Variants in SEPTIN7 observed in about 807,000 individuals in gnomAD.
SEPTIN7 encodes the protein septin-7.
SEPTIN7 carries 10 observed loss-of-function variants against 63.3 expected under a neutral mutation model. The ratio of observed to expected loss-of-function variants is 0.16; its 90% CI spans 0.10 to 0.27. The LOEUF (loss-of-function observed/expected upper bound fraction) is 0.27. SEPTIN7 is among the 10% of genes least tolerant of loss of function. SEPTIN7 has a pLI of 1.00. For missense variants in SEPTIN7, 310 were observed against 521.0 expected, an observed-to-expected ratio of 0.59 and a Z score of 3.94; for synonymous variants, 131 against 165.3, an observed-to-expected ratio of 0.79 and a Z score of 1.59.
In SEPTIN7 at chr7:35,903,516, G is replaced by A. The variant is rs146908428; in HGVS notation, c.1274+301G>A. Among the ~76,000 whole-genome samples, 1,311 of 152,220 alleles carry A rather than the reference G, an allele frequency of 8.6e-3. 10 individuals carry two copies. Among genetic ancestry groups the A allele is most frequent in the Non-Finnish European group, 0.013 (901 of 67,994 alleles). On this transcript the variant is annotated intron_variant, in intron 13 of 13. Coordinates refer to ENST00000350320, the MANE Select transcript of SEPTIN7 (RefSeq NM_001788.6). ...GATTTCTTACCTCCTCCCCCCAGTTGTTGGACATAAGGGTTGTTTTCAATT... is the reference window on the plus strand; with the variant it reads ...GATTTCTTACCTCCTCCCCCCAGTTATTGGACATAAGGGTTGTTTTCAATT...
At chr7:35,872,823 A>AC in intron 5 of SEPTIN7, 57 bp downstream of exon 5, 1 of 1,140,272 alleles carries the variant, frequency 8.8e-7, no homozygotes, top group Non-Finnish European at 1.3e-6. Context: ...GGGGTGGTTA[A>AC]ACTTTTTCTT....
chr7:35,831,358 C>T (rs1357657599), intron 1 of SEPTIN7, 134 bp from the exon 2 acceptor site: 1 of 234,504 alleles, frequency 4.3e-6, no homozygotes, highest in East Asian at 1.5e-4. Context: ...TGCTGTGTTT[C>T]AATGGATTTG....
intron 11 of SEPTIN7, among the ~76,000 whole-genome samples, chr7:35,895,494 A>G (rs1787905494): frequency 6.6e-6 from 1 of 152,200 alleles, no homozygotes; most frequent in South Asian, 2.1e-4. Flanking sequence ...TCTTTTAGAA[A>G]CACACATTTG....
Position 35,804,390 on chromosome 7 carries a change from A to G in SEPTIN7, c.61+3120A>G, listed in dbSNP as rs550721255. Among the ~76,000 whole-genome samples the G allele has an allele frequency of 3.9e-5, 6 of 152,302 alleles. No individual in the cohort carries two copies. The South Asian group carries it at 1.2e-3, about 32-fold the overall frequency. On this transcript the variant is annotated intron_variant, in intron 1 of 13. Coordinates refer to ENST00000350320, the MANE Select transcript of SEPTIN7 (RefSeq NM_001788.6). ...TAAGCTTTGAGCATGGGCTTGGGGA[A>G]GAGGGGCCAAAGAGGCAGCTTGGCT...
downstream of SEPTIN7, among the ~76,000 whole-genome samples, chr7:35,911,596 A>G (rs1357052086): frequency 6.6e-6 from 1 of 152,148 alleles, no homozygotes; most frequent in African/African-American, 2.4e-5. Flanking sequence ...CGGCCACACT[A>G]TGTTCAGCTG....
chr7:35,873,575 C>A, intron 5 of SEPTIN7, 66 bp from the exon 6 acceptor site: 1 of 1,486,184 alleles, frequency 6.7e-7, no homozygotes, highest in Non-Finnish European at 9.1e-7. Context: ...GATTATTGTC[C>A]TTTAACAGTC....
chr7:35,802,391 A>G (rs1432557845), intron 1 of SEPTIN7: 2 of 164,582 alleles, frequency 1.2e-5, no homozygotes, highest in Non-Finnish European at 1.4e-5. Flanking sequence ...TGTGACGTCC[A>G]GGTGTTTTCT....
chr7:35,844,228 G>C (rs1355623725), intron 3 of SEPTIN7, among the ~76,000 whole-genome samples: 1 of 152,180 alleles, frequency 6.6e-6, no homozygotes. Flanking sequence ...AAAGGTTATA[G>C]TAATGTACAT....
intron 1 of SEPTIN7, among the ~76,000 whole-genome samples, chr7:35,803,911 A>T (rs1194688098): frequency 6.6e-6 from 1 of 152,236 alleles, no homozygotes; most frequent in African/African-American, 2.4e-5. Context: ...TGAAGACTGC[A>T]GGTTGTGACC....
At chr7:35,812,035 G>A in intron 1 of SEPTIN7, 1 of 229,616 alleles carries the variant, frequency 4.4e-6, no homozygotes. Flanking sequence ...GCTGAGGCAG[G>A]AGAATTGCTT....
intron 3 of SEPTIN7, among the ~76,000 whole-genome samples, chr7:35,833,245 T>C (rs1783920492): frequency 6.6e-6 from 1 of 152,016 alleles, no homozygotes. Context: ...TTATATGCTA[T>C]AGTGGAGTAT....
intron 7 of SEPTIN7, among the ~76,000 whole-genome samples, chr7:35,880,223 C>CTTTTTTTTTTTTTTTTTTTCT (rs1786770919): frequency 2.7e-5 from 2 of 72,776 alleles, no homozygotes; most frequent in African/African-American, 6.0e-5. Flanking sequence ...TTTTTCTTTT[C>CTTTTTTTTTTTTTTTTTTTCT]TTTTTTTTTT....
chr7:35,874,866 CA>C (rs959152944), intron 6 of SEPTIN7, among the ~76,000 whole-genome samples: 4 of 152,102 alleles, frequency 2.6e-5, no homozygotes, highest in Admixed American at 6.5e-5. Flanking sequence ...TTAAAAGGCT[CA>C]AAAAAAGTAA....
At chr7:35,835,554 GTTC>G in intron 3 of SEPTIN7, among the ~76,000 whole-genome samples, 1 of 152,312 alleles carries the variant, frequency 6.6e-6, no homozygotes. Context: ...AGTCTGGGAT[GTTC>G]TTAACCACCA....
At chr7:35,872,129 A>G (rs143902301) in intron 4 of SEPTIN7, among the ~76,000 whole-genome samples, 2,663 of 152,306 alleles carry the variant, frequency 0.017, 76 homozygotes, top group African/African-American at 0.061. Context: ...TAACATAAAT[A>G]CAAGGGTAAT....
At chr7:35,811,213 T>A (rs1325953592) in intron 1 of SEPTIN7, among the ~76,000 whole-genome samples, 1 of 152,100 alleles carries the variant, frequency 6.6e-6, no homozygotes, top group Non-Finnish European at 1.5e-5. Context: ...ATTTATATAT[T>A]TTTTTAAAAA....
At chr7:35,830,776 T>G (rs1420642) in intron 1 of SEPTIN7, among the ~76,000 whole-genome samples, 49,561 of 152,004 alleles carry the variant, frequency 0.33, 8,304 homozygotes, top group East Asian at 0.41. Flanking sequence ...TGGCCAAGGA[T>G]TATCTATTTT....
intron 10 of SEPTIN7, among the ~76,000 whole-genome samples, chr7:35,889,985 A>G (rs1432949974): frequency 6.6e-6 from 1 of 152,214 alleles, no homozygotes; most frequent in African/African-American, 2.4e-5. Context: ...CACACCATGT[A>G]TATCCAAGAA....
At chr7:35,915,017 A>G in the SEPTIN7 span, among the ~76,000 whole-genome samples, 4 of 151,910 alleles carry the variant, frequency 2.6e-5, no homozygotes, top group East Asian at 1.9e-4. Context: ...ATGTGTACAT[A>G]TATGTATACA....
Sources: allele counts gnomAD v4.1 joint callset (sites outside exome capture counted in the v4.1 genomes callset), GRCh38; gene constraint gnomAD v4.1.1; transcripts MANE v1.5; gene names NCBI Gene and HGNC (gene_info 2026-07-23, HGNC 2026-07-21).